The following SPG7 variants were observed in gnomAD, a reference collection of about 807,000 sequenced individuals.
SPG7 encodes the protein mitochondrial inner membrane m-AAA protease component paraplegin.
In SPG7, 103 loss-of-function variants were observed where a neutral mutation model predicts 81.9. That is an observed-to-expected ratio of 1.26 (90% CI 1.07 to 1.48). SPG7 has a LOEUF of 1.48. Ranked by LOEUF, SPG7 falls within the 40% of genes most tolerant of loss-of-function variation. The probability of loss-of-function intolerance (pLI) is 0.00; values close to 1 mark genes in which losing one functional copy is unlikely to be tolerated. For missense variants in SPG7, 1,241 were observed against 1,087.3 expected, an observed-to-expected ratio of 1.14 and a Z score of -1.99; for synonymous variants, 534 against 444.2, an observed-to-expected ratio of 1.20 and a Z score of -2.54.
In SPG7 at chr16:89,548,077, C is replaced by G; in HGVS notation, c.1627C>G (p.Leu543Val). The G allele has an allele frequency of 3.7e-6, 6 of 1,609,848 alleles. No homozygotes were observed. The Admixed American group carries it at 8.3e-5, about 22-fold the overall frequency. Residue 543 changes from leucine (L) to valine (V), a missense_variant, in exon 12 of 17, where the codon CTC (leucine) becomes GTC (valine). Transcript: ENST00000645818. ...AREGHTSVHTLNFEYAVERVL... is the reference protein window; with the variant it reads ...AREGHTSVHTVNFEYAVERVL... ...GGAGGGACACACTTCCGTGCACACT[C>G]TCAACTTCGAGTACGCCGTGGAGCG...
intron 9 of SPG7, chr16:89,537,989 C>A (rs939850880): frequency 3.8e-5 from 6 of 156,192 alleles, no homozygotes; most frequent in Non-Finnish European, 4.2e-5. Context: ...TCACGCCCGC[C>A]GACTGCCCCT....
chr16:89,534,996 G>A (rs770175743), intron 9 of SPG7, among the ~76,000 whole-genome samples: 4 of 152,148 alleles, frequency 2.6e-5, no homozygotes, highest in Non-Finnish European at 4.4e-5. Flanking sequence ...TCAGCCTCCC[G>A]AGTAGCTGGG....
At chr16:89,530,661 G>T (rs1277573871) in intron 6 of SPG7, 22 bp from the exon 7 acceptor site, 1 of 1,614,068 alleles carries the variant, frequency 6.2e-7, no homozygotes, top group East Asian at 2.2e-5. Context: ...CCAGCTCCTT[G>T]CACTTTGTTC....
At position 89,556,320 on chromosome 16, in the gene SPG7, C is replaced by G. The variant is rs74037223; in HGVS notation, c.2182-567C>G. ...AGCAGGTAATTAACAACAACAACAA[C>G]AAAAAATCTGGAAGAGTTCTGCCTT... is the stretch of plus-strand genomic sequence containing the variant. On this transcript the variant is annotated intron_variant, in intron 16 of 16. Coordinates refer to ENST00000645818, the MANE Select transcript of SPG7 (RefSeq NM_003119.4). 1.1e-5 allele frequency: 4 copies of G among 375,378 alleles called. No individual in the cohort carries two copies. In the East Asian group the frequency reaches 1.2e-4, roughly 11 times the overall value. 23.3% of individuals were successfully genotyped at this position (375,378 alleles called of 1,614,324 possible). A position where few individuals can be genotyped will look rare whatever the true frequency, so the allele number is the denominator to read the frequency against.
At chr16:89,544,595 C>A in intron 9 of SPG7, 53 bp from the exon 10 acceptor site, 2 of 1,609,842 alleles carry the variant, frequency 1.2e-6, no homozygotes, top group Non-Finnish European at 1.7e-6. Context: ...CAGGGGAAAT[C>A]TGTTGTGTCA....
At position 89,524,031 on chromosome 16, in the gene SPG7, C is replaced by G. The variant is rs910197516; in HGVS notation, c.402C>G (p.Asp134Glu). ...DEEERRRRERDDQMYRERLRT... is the reference protein window; with the variant it reads ...DEEERRRREREDQMYRERLRT... ...AGGAGAGGAGACGCCGTGAGCGGGA[C>G]GACCAGATGTACCGAGAGCGGCTGC... The change falls in exon 4 of 17, where the codon GAC becomes GAG. Residue 134 changes from aspartate to glutamate, a missense_variant. By Grantham distance (45) the Asp-to-Glu change is conservative (BLOSUM62 2). Transcript: ENST00000645818. 6.2e-7 allele frequency: 1 copy of G among 1,613,068 alleles called. No homozygotes were observed. The highest frequency in any genetic ancestry group is 1.3e-5 in the African/African-American group (1 of 74,914).
At chr16:89,555,577 G>A (rs1242157762) in intron 16 of SPG7, 3 of 276,248 alleles carry the variant, frequency 1.1e-5, no homozygotes, top group Non-Finnish European at 2.0e-5. Flanking sequence ...GAGTCCACAT[G>A]GCGTTTGATC....
At chr16:89,540,872 T>C (rs2058486006) in intron 9 of SPG7, 1 of 979,614 alleles carries the variant, frequency 1.0e-6, no homozygotes. Context: ...TTACCTGTAA[T>C]AGCTAAAAAC....
chr16:89,550,030 T>G, intron 12 of SPG7: 1 of 239,470 alleles, frequency 4.2e-6, no homozygotes, highest in Non-Finnish European at 8.4e-6. Flanking sequence ...ACCTGAAGAG[T>G]GTCGTTTTGA....
Position 89,512,931 on chromosome 16 carries a change from TTCTC to T in SPG7, c.287-15_287-12del. 1 of 1,612,066 alleles carries T rather than the reference TTCTC, an allele frequency of 6.2e-7. No individual in the cohort carries two copies. Among genetic ancestry groups the T allele is most frequent in the East Asian group, 2.2e-5 (1 of 44,812 alleles). Reference sequence around the variant, plus strand: ...TTGCAAAACTTAATTGTTAAATCCTTTCTCTATTTCTCATAGGTGGTACTTTCTA... The same window carrying T: ...TTGCAAAACTTAATTGTTAAATCCTTTATTTCTCATAGGTGGTACTTTCTA... On this transcript the variant is annotated splice_polypyrimidine_tract_variant and intron_variant, in intron 2 of 16. Transcript: ENST00000645818.
At position 89,544,787 on chromosome 16, in the gene SPG7, C is replaced by T. The variant is rs1028691226; in HGVS notation, c.1449+15C>T. 1.2e-6 allele frequency: 2 copies of T among 1,613,584 alleles called. No homozygotes were observed. The highest frequency in any genetic ancestry group is 1.3e-5 in the African/African-American group (1 of 74,912). ...CCACGCTGCAGGTCAGAGCCAGGAT[C>T]CCAGCCTCTCCCACTCCACCTGGGC... is the stretch of plus-strand genomic sequence containing the variant. On this transcript the variant is annotated intron_variant, in intron 10 of 16. Transcript: ENST00000645818.
At chr16:89,555,078 G>GT (rs2058673433) in intron 16 of SPG7, 1 of 154,460 alleles carries the variant, frequency 6.5e-6, no homozygotes, top group Admixed American at 6.3e-5. Context: ...AACACACTCG[G>GT]CTTTTCTTTT....
intron 9 of SPG7, chr16:89,543,347 C>CTTTTTTTTTTTTTTTTTTTTTTTTT (rs57995524): frequency 9.2e-6 from 1 of 108,962 alleles, no homozygotes; most frequent in Non-Finnish European, 1.9e-5. Flanking sequence ...GGACCTTTTC[C>CTTTTTTTTTTTTTTTTTTTTTTTTT]TTTTTTTTTT....
At chr16:89,544,495 G>T (rs893947047) in intron 9 of SPG7, 153 bp from the exon 10 acceptor site, 2 of 827,446 alleles carry the variant, frequency 2.4e-6, no homozygotes, top group African/African-American at 1.7e-5. Context: ...ATGGGGGATC[G>T]CGGCTCCTAG....
chr16:89,515,318 G>A (rs953246558), intron 3 of SPG7, among the ~76,000 whole-genome samples: 1 of 150,754 alleles, frequency 6.6e-6, no homozygotes, highest in African/African-American at 2.4e-5. Flanking sequence ...GCCCAGACTG[G>A]AGTCCAGTGG....
At chr16:89,544,213 C>T in intron 9 of SPG7, 1 of 271,928 alleles carries the variant, frequency 3.7e-6, no homozygotes, top group South Asian at 4.0e-5. Flanking sequence ...AGCCTGAAAC[C>T]CAGGGCCTAG....
chr16:89,508,400 C>T, upstream of SPG7: 9 of 1,471,774 alleles, frequency 6.1e-6, no homozygotes, highest in Non-Finnish European at 8.1e-6. Context: ...ATCACGCAGG[C>T]GCGGCTTTCA....
intron 3 of SPG7, chr16:89,521,343 C>T (rs1417647843): frequency 6.6e-6 from 1 of 152,282 alleles, no homozygotes; most frequent in African/African-American, 2.4e-5. Context: ...TGTCACACAC[C>T]TGTGAATTAA....
At chr16:89,537,202 G>C (rs539751781) in intron 9 of SPG7, 2 of 1,430,666 alleles carry the variant, frequency 1.4e-6, no homozygotes, top group Admixed American at 5.7e-5. Context: ...GCCGGTCGTG[G>C]GGAAATCTCA....
Sources: allele counts gnomAD v4.1 joint callset (sites outside exome capture counted in the v4.1 genomes callset), GRCh38; gene constraint gnomAD v4.1.1; transcripts MANE v1.5; gene names NCBI Gene and HGNC (gene_info 2026-07-23, HGNC 2026-07-21).